NDRG4: variants seen among roughly 807,000 people sequenced by gnomAD.
NDRG4 encodes the protein protein NDRG4.
A neutral mutation model predicts 55.8 loss-of-function variants in NDRG4; 38 were observed. That is an observed-to-expected ratio of 0.68 (90% CI 0.53 to 0.89). The LOEUF is 0.89. Among genes scored for constraint, NDRG4 ranks in the 40% least tolerant of loss-of-function variants. The probability of loss-of-function intolerance (pLI) is 0.00; values close to 1 mark genes in which losing one functional copy is unlikely to be tolerated. For synonymous variants in NDRG4, 190 were observed against 182.7 expected (o/e 1.04, Z -0.32); for missense variants, 455 against 468.6 (o/e 0.97, Z 0.27).
chr16:58,471,900 T>A (rs527706643), intron 1 of NDRG4, among the ~76,000 whole-genome samples: 80 of 152,038 alleles, frequency 5.3e-4, no homozygotes, highest in African/African-American at 1.8e-3. Context: ...TGTGTGTGTG[T>A]GAGAGAGAGC....
At chr16:58,465,459 T>G (rs527819042) in intron 1 of NDRG4, among the ~76,000 whole-genome samples, 4 of 150,724 alleles carry the variant, frequency 2.7e-5, no homozygotes, top group African/African-American at 9.8e-5. Flanking sequence ...GGGTTCAGGA[T>G]CAAGGGAATG....
At chr16:58,505,815 T>C (rs1163037313) in intron 5 of NDRG4, among the ~76,000 whole-genome samples, 1 of 138,776 alleles carries the variant, frequency 7.2e-6, no homozygotes, top group African/African-American at 2.7e-5. Flanking sequence ...TCCACCTCCC[T>C]GGTTCAAGCA....
At position 58,464,462 on chromosome 16, in the gene NDRG4, T is replaced by C. The variant is rs2031172278; in HGVS notation, c.-24+665T>C. On this transcript the variant is annotated intron_variant, in intron 1 of 15. Coordinates refer to the NDRG4 transcript ENST00000258187. This position sits in a 1 kb window ranked among gnomAD's most constrained non-coding sequence, Gnocchi z 4.8. ...GTGCTGGGACACCGGCTGGAGCTGCTCACAGGTACCGCCCGCCTGCCCCGC... is the reference window on the plus strand; with the variant it reads ...GTGCTGGGACACCGGCTGGAGCTGCCCACAGGTACCGCCCGCCTGCCCCGC... 7.5e-7 allele frequency: 1 copy of C among 1,334,442 alleles called. No individual in the cohort carries two copies. The highest frequency in any genetic ancestry group is 9.6e-7 in the Non-Finnish European group (1 of 1,042,250). 82.7% of individuals were successfully genotyped at this position (1,334,442 alleles called of 1,614,324 possible).
At chr16:58,500,654 T>G (rs1368051956) in intron 1 of NDRG4, 5 of 471,886 alleles carry the variant, frequency 1.1e-5, no homozygotes, top group Non-Finnish European at 1.5e-5. Flanking sequence ...TTGGATGGTG[T>G]CTGCCTTGGT....
At chr16:58,495,704 G>A (rs1215376264), upstream of NDRG4, among the ~76,000 whole-genome samples, 4 of 152,248 alleles carry the variant, frequency 2.6e-5, no homozygotes, top group Admixed American at 6.5e-5. Context: ...TCCCCCAGTG[G>A]GAGCAACGCG....
At chr16:58,472,119 T>G (rs1007908961) in intron 1 of NDRG4, 1 of 152,078 alleles carries the variant, frequency 6.6e-6, no homozygotes, top group Non-Finnish European at 1.5e-5. Flanking sequence ...CCCTTTAAGT[T>G]TTTGGAAGAG....
chr16:58,500,137 C>G, upstream of NDRG4: 3 of 1,534,678 alleles, frequency 2.0e-6, no homozygotes, highest in Non-Finnish European at 2.6e-6. Context: ...GGAGCTGTGC[C>G]CCATCACAGA....
chr16:58,495,762 C>T (rs567248529), upstream of NDRG4, among the ~76,000 whole-genome samples: 6 of 152,294 alleles, frequency 3.9e-5, no homozygotes, highest in Admixed American at 3.3e-4. Flanking sequence ...CTCGGTCACG[C>T]GCCACTTCAA....
At chr16:58,481,436 G>A (rs1267610367) in intron 1 of NDRG4, among the ~76,000 whole-genome samples, 1 of 152,074 alleles carries the variant, frequency 6.6e-6, no homozygotes, top group African/African-American at 2.4e-5. Flanking sequence ...TAAGACAGTG[G>A]GAATGTGCTG....
chr16:58,511,738 A>G lies in NDRG4; in HGVS notation c.*162A>G. The G allele has an allele frequency of 1.2e-6, 1 of 840,746 alleles. No homozygotes were observed. Among genetic ancestry groups the G allele is most frequent in the Non-Finnish European group, 1.9e-6 (1 of 513,018 alleles). The allele number at this position is 840,746 out of a possible 1,614,324, so 52.1% of individuals were successfully genotyped here. ...TAGATGCTGCAGCAGAACAGTCTCC[A>G]GGTGTTTTAAGGGGCTCAGTCCTCC... On this transcript the variant is annotated 3_prime_UTR_variant, in exon 15 of 15. Transcript: ENST00000570248.
intron 5 of NDRG4, chr16:58,506,138 G>A (rs2037946353): frequency 3.2e-6 from 2 of 626,288 alleles, no homozygotes; most frequent in Non-Finnish European, 5.7e-6. Flanking sequence ...AAGAGCGTGT[G>A]TGTGTGTGTG....
At chr16:58,508,106 G>C (rs1412462681) in intron 10 of NDRG4, 107 bp downstream of exon 10, 1 of 1,053,354 alleles carries the variant, frequency 9.5e-7, no homozygotes, top group Non-Finnish European at 1.4e-6. Context: ...GGAGCCTCCA[G>C]GGCCAGCAGT....
chr16:58,476,764 G>A (rs764617257), intron 1 of NDRG4, among the ~76,000 whole-genome samples: 2 of 152,120 alleles, frequency 1.3e-5, no homozygotes, highest in Non-Finnish European at 2.9e-5. Flanking sequence ...CATTGGACTC[G>A]AAATGTGAAA....
rs1193364767 is a variant in NDRG4 at position 58,464,363 on chromosome 16, C to G, written c.-24+566C>G. On this transcript the variant is annotated intron_variant, in intron 1 of 15. Coordinates refer to the NDRG4 transcript ENST00000258187. This position sits in a 1 kb window ranked among gnomAD's most constrained non-coding sequence, Gnocchi z 4.8. ...TCCGCTCCGGGTCTCCCGCGCTCCT[C>G]TCCCCGGCTCGGCCGAGCGCGCTGC... 3 of 1,335,344 alleles carry G rather than the reference C, an allele frequency of 2.2e-6. No individual in the cohort carries two copies. Among genetic ancestry groups the G allele is most frequent in the Non-Finnish European group, 2.9e-6 (3 of 1,040,462 alleles). 82.7% of individuals were successfully genotyped at this position (1,335,344 alleles called of 1,614,324 possible).
In NDRG4 at chr16:58,513,182, G is replaced by GTGTA. The variant is rs1338100315; in HGVS notation, c.*1609_*1610insATGT. On this transcript the variant is annotated 3_prime_UTR_variant, in exon 15 of 15. Coordinates refer to ENST00000570248, the MANE Select transcript of NDRG4 (RefSeq NM_001242835.2). ...CTATACATTATATGTGTGTGTGTGT[G>GTGTA]TGTGTGTGTGTGTGTACATCGGGTC... is the stretch of plus-strand genomic sequence containing the variant. 2 of 152,158 alleles carry GTGTA rather than the reference G, an allele frequency of 1.3e-5. No individual in the cohort carries two copies. Among genetic ancestry groups the GTGTA allele is most frequent in the African/African-American group, 4.9e-5 (2 of 41,224 alleles). 9.4% of individuals were successfully genotyped at this position (152,158 alleles called of 1,614,324 possible). A position where few individuals can be genotyped will look rare whatever the true frequency, so the allele number is the denominator to read the frequency against.
intron 4 of NDRG4, 51 bp from the exon 5 acceptor site, chr16:58,504,538 T>C: frequency 1.9e-6 from 3 of 1,612,944 alleles, no homozygotes; most frequent in South Asian, 2.2e-5. Flanking sequence ...GGATGACATG[T>C]ATGGGAAATG....
chr16:58,503,990 T>C, intron 2 of NDRG4, 87 bp downstream of exon 2: 1 of 1,536,566 alleles, frequency 6.5e-7, no homozygotes, highest in African/African-American at 1.4e-5. Context: ...CAGGGCCCTG[T>C]CAGCCCCACT....
intron 1 of NDRG4, among the ~76,000 whole-genome samples, chr16:58,470,699 G>A (rs1345395089): frequency 6.6e-6 from 1 of 152,030 alleles, no homozygotes; most frequent in Non-Finnish European, 1.5e-5. Flanking sequence ...CTGAGGTCAG[G>A]AGTTCAAGAC....
intron 10 of NDRG4, among the ~76,000 whole-genome samples, chr16:58,508,529 G>A (rs2038350478): frequency 6.6e-6 from 1 of 152,162 alleles, no homozygotes; most frequent in South Asian, 2.1e-4. Flanking sequence ...GCAGCCCCGT[G>A]CGCCCTGAAA....
Sources: allele counts gnomAD v4.1 joint callset (sites outside exome capture counted in the v4.1 genomes callset), GRCh38; gene constraint gnomAD v4.1.1; non-coding constraint Gnocchi (gnomAD v3.1); transcripts MANE v1.5; gene names NCBI Gene and HGNC (gene_info 2026-07-23, HGNC 2026-07-21).